RHOA: variants seen among roughly 807,000 people sequenced by gnomAD.
RHOA encodes the protein ras homolog family member A.
In RHOA, 3 loss-of-function variants were observed where a neutral mutation model predicts 17.5. The ratio of observed to expected loss-of-function variants is 0.17; its 90% CI spans 0.08 to 0.44. The LOEUF (loss-of-function observed/expected upper bound fraction) is 0.44, where lower values mean the gene tolerates loss of function less well. RHOA is among the 20% of genes least tolerant of loss of function. The pLI is 0.99. For synonymous variants in RHOA, 98 were observed against 88.4 expected (o/e 1.11, Z -0.61); for missense variants, 56 against 242.3 (o/e 0.23, Z 5.10).
At chr3:49,363,080 C>T (rs968889985) in intron 3 of RHOA, among the ~76,000 whole-genome samples, 2 of 152,212 alleles carry the variant, frequency 1.3e-5, no homozygotes, top group Non-Finnish European at 1.5e-5. Flanking sequence ...CAACTCTCAG[C>T]ATAACTTCTA....
intron 1 of RHOA, among the ~76,000 whole-genome samples, chr3:49,410,132 G>A (rs1270997472): frequency 1.3e-5 from 2 of 152,104 alleles, no homozygotes; most frequent in African/African-American, 4.8e-5. Context: ...CATCAACAAG[G>A]TTTAAAAGAA....
chr3:49,367,818 G>A (rs2048084425), intron 3 of RHOA, among the ~76,000 whole-genome samples: 1 of 151,812 alleles, frequency 6.6e-6, no homozygotes, highest in African/African-American at 2.4e-5. Flanking sequence ...CGCCGCACCA[G>A]CCTTAGTTTA....
At chr3:49,378,404 G>A (rs897268429) in intron 1 of RHOA, among the ~76,000 whole-genome samples, 6 of 151,102 alleles carry the variant, frequency 4.0e-5, no homozygotes, top group Admixed American at 3.3e-4. Context: ...GCGCCACCAC[G>A]CCCAGCTAAT....
chr3:49,394,989 C>T (rs1032947693), intron 1 of RHOA, among the ~76,000 whole-genome samples: 1 of 151,860 alleles, frequency 6.6e-6, no homozygotes. Context: ...GTGGCTCACG[C>T]TTGTAATCCC....
chr3:49,406,274 A>C (rs2048831444), intron 1 of RHOA, among the ~76,000 whole-genome samples: 1 of 152,206 alleles, frequency 6.6e-6, no homozygotes, highest in Admixed American at 6.6e-5. Flanking sequence ...AGAGCATATG[A>C]TCTCTAGGTC....
chr3:49,405,138 G>A (rs1282118926), intron 1 of RHOA, among the ~76,000 whole-genome samples: 1 of 149,542 alleles, frequency 6.7e-6, no homozygotes, highest in Non-Finnish European at 1.5e-5. Flanking sequence ...GGCACCTGTA[G>A]TCTCAGCTAC....
intron 1 of RHOA, among the ~76,000 whole-genome samples, chr3:49,387,876 T>C (rs148218616): frequency 1.9e-4 from 29 of 152,238 alleles, no homozygotes; most frequent in African/African-American, 6.5e-4. Context: ...CAATGTCACA[T>C]ATGTTTGAGT....
At chr3:49,401,404 G>C (rs938213729) in intron 1 of RHOA, among the ~76,000 whole-genome samples, 16 of 151,982 alleles carry the variant, frequency 1.1e-4, no homozygotes, top group Admixed American at 1.3e-4. Flanking sequence ...TATAATCCCA[G>C]CACTTTGGGA....
chr3:49,375,613 T>C, intron 1 of RHOA, 22 bp from the exon 2 acceptor site: 7 of 1,609,742 alleles, frequency 4.3e-6, no homozygotes, highest in Non-Finnish European at 4.2e-6. Context: ...AACACAGATA[T>C]TACCTGCAAT....
chr3:49,391,816 AATTT>A (rs1282851388), intron 1 of RHOA, among the ~76,000 whole-genome samples: 3 of 137,726 alleles, frequency 2.2e-5, no homozygotes, highest in African/African-American at 5.4e-5. Context: ...CGGCCTAATT[AATTT>A]ATCTTTTTTT....
chr3:49,408,343 T>TA (rs2048875144), intron 1 of RHOA, among the ~76,000 whole-genome samples: 1 of 151,954 alleles, frequency 6.6e-6, no homozygotes, highest in Non-Finnish European at 1.5e-5. Flanking sequence ...CTCATCCTCT[T>TA]CAAAAAATAA....
chr3:49,377,259 C>G (rs965607749), intron 1 of RHOA, among the ~76,000 whole-genome samples: 6 of 151,516 alleles, frequency 4.0e-5, no homozygotes, highest in Admixed American at 2.6e-4. Flanking sequence ...TAGTGAGACA[C>G]TGAGAAAGGA....
chr3:49,380,996 AC>A (rs1158469597), intron 1 of RHOA, among the ~76,000 whole-genome samples: 3 of 151,544 alleles, frequency 2.0e-5, no homozygotes, highest in African/African-American at 4.8e-5. Flanking sequence ...AAATCTAGTA[AC>A]TTTTTTTTTT....
At chr3:49,384,107 C>T (rs1249045041) in intron 1 of RHOA, among the ~76,000 whole-genome samples, 5 of 152,084 alleles carry the variant, frequency 3.3e-5, no homozygotes, top group African/African-American at 1.2e-4. Context: ...ATCATTTAGC[C>T]ACTAATGGTG....
At chr3:49,399,409 A>C (rs2048682163) in intron 1 of RHOA, among the ~76,000 whole-genome samples, 1 of 151,998 alleles carries the variant, frequency 6.6e-6, no homozygotes. Flanking sequence ...TCTCTGAGAC[A>C]AGATTATTAA....
chr3:49,366,291 G>A (rs2048055279), intron 3 of RHOA, among the ~76,000 whole-genome samples: 1 of 152,104 alleles, frequency 6.6e-6, no homozygotes, highest in African/African-American at 2.4e-5. Context: ...TTCACAAAAG[G>A]AAGTCATATT....
intron 1 of RHOA, among the ~76,000 whole-genome samples, chr3:49,394,770 T>C (rs1357492103): frequency 6.6e-6 from 1 of 152,162 alleles, no homozygotes; most frequent in East Asian, 1.9e-4. Context: ...AAGCTTATCT[T>C]CTCTGGTATG....
intron 2 of RHOA, among the ~76,000 whole-genome samples, chr3:49,374,343 CA>C (rs1330861295): frequency 6.6e-6 from 1 of 152,124 alleles, no homozygotes; most frequent in African/African-American, 2.4e-5. Context: ...GAATTTTTGT[CA>C]AAGTCCAAGC....
rs1358501314 is a variant in RHOA at position 49,368,507 on chromosome 3, A to G, written c.198T>C (p.Tyr66=). Residue 66 remains tyrosine, a synonymous_variant, in exon 3 of 5, where the codon TAT becomes TAC. Coordinates refer to ENST00000418115, the MANE Select transcript of RHOA (RefSeq NM_001664.4). ...GGTAGGAGAGGGGCCTCAGGCGATC[A>G]TAATCTTCCTGCCCAGCTGTGTCCC... ...ALWDTAGQED[Y]DRLRPLSYPD... 1 of 1,614,012 alleles carries G rather than the reference A, an allele frequency of 6.2e-7. No individual in the cohort carries two copies. Among genetic ancestry groups the G allele is most frequent in the Non-Finnish European group, 8.5e-7 (1 of 1,179,958 alleles).
Sources: gnomAD v4.1 joint callset for allele counts (sites outside exome capture counted in the v4.1 genomes callset) on GRCh38, gnomAD v4.1.1 for gene constraint, MANE v1.5 for transcripts, NCBI Gene and HGNC (gene_info 2026-07-23, HGNC 2026-07-21) for gene names.